The following TEX11 variants were observed in gnomAD, a reference collection of about 807,000 sequenced individuals.
TEX11 encodes the protein testis expressed 11, also known as testis-expressed protein 11.
Under a neutral mutation model 84.4 loss-of-function variants are expected in TEX11, and 7 were observed. That is an observed-to-expected ratio of 0.08 (90% confidence interval 0.05 to 0.16). The LOEUF (loss-of-function observed/expected upper bound fraction) is 0.16, where lower values mean the gene tolerates loss of function less well. Among genes scored for constraint, TEX11 ranks in the 10% least tolerant of loss-of-function variants. The pLI, the probability that TEX11 is intolerant of heterozygous loss-of-function variation, is 1.00. For synonymous variants in TEX11, 264 were observed against 222.8 expected (o/e 1.18, Z -1.64); for missense variants, 551 against 660.5 (o/e 0.83, Z 1.82).
intron 9 of TEX11, among the ~76,000 whole-genome samples, chrX:70,773,811 T>C (rs1471511350): frequency 9.0e-6 from 1 of 111,387 alleles, no homozygotes; most frequent in African/African-American, 3.3e-5. Context: ...GAGAGAACAC[T>C]GAAATTCAAC....
intron 9 of TEX11, among the ~76,000 whole-genome samples, chrX:70,772,658 G>A (rs1042628259): frequency 1.2e-4 from 13 of 111,378 alleles, no homozygotes; most frequent in African/African-American, 4.2e-4. Context: ...CTAAAGAAAT[G>A]AGTATCTATA....
chrX:70,781,793 A>C (rs1421514539), intron 9 of TEX11, among the ~76,000 whole-genome samples: 2 of 111,312 alleles, frequency 1.8e-5, no homozygotes, highest in Admixed American at 1.9e-4. Flanking sequence ...AATGAACAAA[A>C]TCTCCAAGAA....
intron 13 of TEX11, among the ~76,000 whole-genome samples, chrX:70,719,417 T>C (rs1488373493): frequency 8.9e-6 from 1 of 112,021 alleles, no homozygotes; most frequent in African/African-American, 3.2e-5. Flanking sequence ...ATCAAAATTC[T>C]CATTGACACC....
At chrX:70,803,091 G>A (rs1278793813) in intron 9 of TEX11, among the ~76,000 whole-genome samples, 1 of 111,439 alleles carries the variant, frequency 9.0e-6, no homozygotes, top group Non-Finnish European at 1.9e-5. Flanking sequence ...GCTCAGTACT[G>A]CAAGACTTAC....
intron 9 of TEX11, among the ~76,000 whole-genome samples, chrX:70,780,503 C>A (rs977295302): frequency 8.9e-6 from 1 of 111,865 alleles, no homozygotes; most frequent in Non-Finnish European, 1.9e-5. Context: ...CAGGGTGGAG[C>A]GTTGACTCAT....
intron 7 of TEX11, among the ~76,000 whole-genome samples, chrX:70,841,252 T>C (rs201996650): frequency 1.8e-5 from 2 of 108,707 alleles, no homozygotes; most frequent in African/African-American, 6.7e-5. Flanking sequence ...TCAGCAAATG[T>C]AAAAGAACAG....
At chrX:70,901,921 A>G (rs1031603916) in intron 2 of TEX11, among the ~76,000 whole-genome samples, 1 of 112,738 alleles carries the variant, frequency 8.9e-6, no homozygotes, top group Non-Finnish European at 1.9e-5. Flanking sequence ...GTATTTAAAC[A>G]TATCTAAACC....
chrX:70,687,325 TAAC>T (rs1212371482), intron 13 of TEX11, among the ~76,000 whole-genome samples: 4 of 112,083 alleles, frequency 3.6e-5, no homozygotes, highest in African/African-American at 9.7e-5. Flanking sequence ...GTTTAAAACT[TAAC>T]AAGATATCCT....
chrX:70,593,040 T>C (rs2088954365), intron 24 of TEX11, among the ~76,000 whole-genome samples: 1 of 104,133 alleles, frequency 9.6e-6, no homozygotes, highest in Non-Finnish European at 2.0e-5. Flanking sequence ...GGGCAATTTA[T>C]GCACAAGAGC....
chrX:70,588,717 T>C (rs900365311), intron 25 of TEX11, among the ~76,000 whole-genome samples: 1 of 111,575 alleles, frequency 9.0e-6, no homozygotes, highest in Non-Finnish European at 1.9e-5. Flanking sequence ...CTTGAATACA[T>C]TATGCTAAGT....
At chrX:70,617,072 T>C (rs1418268240) in intron 20 of TEX11, among the ~76,000 whole-genome samples, 1 of 111,077 alleles carries the variant, frequency 9.0e-6, no homozygotes, top group East Asian at 2.8e-4. Context: ...CCATGTACCC[T>C]GAAGTGATTA....
chrX:70,905,271 G>C (rs1278207245), intron 2 of TEX11, among the ~76,000 whole-genome samples: 1 of 111,199 alleles, frequency 9.0e-6, no homozygotes, highest in African/African-American at 3.3e-5. Flanking sequence ...GTTGCAGTGA[G>C]CCGAGATCGT....
chrX:70,517,777 T>C, the TEX11 span, among the ~76,000 whole-genome samples: 1 of 111,620 alleles, frequency 9.0e-6, no homozygotes, highest in African/African-American at 3.3e-5. Flanking sequence ...GGTAGGCTAT[T>C]AATAATTGCC....
At position 70,553,354 on chromosome X, in the gene TEX11, G is replaced by A; in HGVS notation, c.2351C>T (p.Ala784Val). ...PLIALKALKKALLLYKKEEPI... is the reference protein window; with the variant it reads ...PLIALKALKKVLLLYKKEEPI... ...TTCTTCCTTTTTGTAGAGCAATAAAGCCTTTTTCAAGGCCTTGAGAGCAAT... is the reference window on the plus strand; with the variant it reads ...TTCTTCCTTTTTGTAGAGCAATAAAACCTTTTTCAAGGCCTTGAGAGCAAT... Residue 784 changes from alanine (A) to valine (V), a missense_variant, in exon 27 of 30, where the codon GCT (alanine) becomes GTT (valine). Transcript: ENST00000374333. The A allele has an allele frequency of 2.5e-6, 3 of 1,208,584 alleles. No individual in the cohort carries two copies. The highest frequency in any genetic ancestry group is 3.4e-6 in the Non-Finnish European group (3 of 893,568).
chrX:70,748,570 T>C (rs2090786063), intron 9 of TEX11, among the ~76,000 whole-genome samples: 1 of 110,188 alleles, frequency 9.1e-6, no homozygotes, highest in Admixed American at 9.7e-5. Context: ...CATTTAAGTC[T>C]TTAATCCATC....
At chrX:70,859,025 G>A (rs771909628) in intron 5 of TEX11, among the ~76,000 whole-genome samples, 9 of 110,329 alleles carry the variant, frequency 8.2e-5, no homozygotes, top group East Asian at 2.8e-4. Flanking sequence ...GTGACAGAGC[G>A]AGACTCTATC....
chrX:70,511,288 T>G, the TEX11 span, among the ~76,000 whole-genome samples: 2 of 112,702 alleles, frequency 1.8e-5, no homozygotes, highest in Admixed American at 1.9e-4. Flanking sequence ...TCTGTTATAT[T>G]TGGCACTGTC....
At chrX:70,707,906 C>T (rs1216241898) in intron 13 of TEX11, among the ~76,000 whole-genome samples, 1 of 110,275 alleles carries the variant, frequency 9.1e-6, no homozygotes, top group Non-Finnish European at 1.9e-5. Flanking sequence ...GCAATTGCAA[C>T]AAAACCAAAA....
At chrX:70,755,923 C>G (rs1042695167) in intron 9 of TEX11, among the ~76,000 whole-genome samples, 1 of 112,609 alleles carries the variant, frequency 8.9e-6, no homozygotes, top group African/African-American at 3.2e-5. Context: ...TCTTCACAAC[C>G]GGCAGACCAG....
Sources: gnomAD v4.1 joint callset for allele counts (sites outside exome capture counted in the v4.1 genomes callset) on GRCh38, gnomAD v4.1.1 for gene constraint, MANE v1.5 for transcripts, NCBI Gene and HGNC (gene_info 2026-07-23, HGNC 2026-07-21) for gene names.